CSMD1: variants seen among roughly 807,000 people sequenced by gnomAD.
CSMD1 encodes CUB and sushi domain-containing protein 1.
Under a neutral mutation model 417.5 loss-of-function variants are expected in CSMD1, and 213 were observed. The observed-to-expected ratio is 0.51, with a 90% CI of 0.46 to 0.57. CSMD1 has a LOEUF of 0.57. Among genes scored for constraint, CSMD1 ranks in the 20% least tolerant of loss-of-function variants. The probability of loss-of-function intolerance (pLI) is 0.00; values close to 1 mark genes in which losing one functional copy is unlikely to be tolerated. For synonymous variants in CSMD1, 2,862 were observed against 1,736.8 expected (o/e 1.65, Z -16.11); for missense variants, 6,923 against 4,529.7 (o/e 1.53, Z -15.17).
chr8:3,142,982 G>C lies in CSMD1; in HGVS notation c.6032-308C>G, dbSNP rs186288158. Among the ~76,000 whole-genome samples, 4 of 152,280 alleles carry C rather than the reference G, an allele frequency of 2.6e-5. No homozygotes were observed. The East Asian group carries it at 7.7e-4, about 29-fold the overall frequency. On this transcript the variant is annotated intron_variant, in intron 40 of 69. Coordinates refer to ENST00000635120, the MANE Select transcript of CSMD1 (RefSeq NM_033225.6). ...AGGTGGAATCCTTAGGTAACAACTA[G>C]CACACACGCACTCGGGGATGATTTT...
intron 38 of CSMD1, among the ~76,000 whole-genome samples, chr8:3,161,931 A>C (rs1471393451): frequency 5.3e-5 from 8 of 152,244 alleles, no homozygotes; most frequent in Admixed American, 4.6e-4. Flanking sequence ...ATTTTGAAAT[A>C]AAACAATTGT....
intron 1 of CSMD1, among the ~76,000 whole-genome samples, chr8:4,906,539 G>A (rs1805288592): frequency 6.6e-6 from 1 of 150,864 alleles, no homozygotes; most frequent in Non-Finnish European, 1.5e-5. Context: ...TTTTAAATAA[G>A]TTTGTCTTTT....
intron 2 of CSMD1, among the ~76,000 whole-genome samples, chr8:4,541,568 T>G (rs1465300007): frequency 6.6e-6 from 1 of 151,778 alleles, no homozygotes; most frequent in Non-Finnish European, 1.5e-5. Flanking sequence ...GCCACCATGG[T>G]AAAACCCTGT....
intron 7 of CSMD1, among the ~76,000 whole-genome samples, chr8:3,641,334 C>T (rs1253064149): frequency 1.3e-5 from 2 of 152,068 alleles, no homozygotes; most frequent in East Asian, 3.9e-4. Flanking sequence ...GCAATGGAAC[C>T]AACAATCCCC....
At chr8:3,994,229 G>A (rs1252862558) in intron 5 of CSMD1, among the ~76,000 whole-genome samples, 1 of 149,294 alleles carries the variant, frequency 6.7e-6, no homozygotes, top group Non-Finnish European at 1.5e-5. Flanking sequence ...GTCACAGAAG[G>A]GTATGGAAGC....
chr8:4,062,048 G>A (rs374940273), intron 3 of CSMD1, among the ~76,000 whole-genome samples: 2 of 152,270 alleles, frequency 1.3e-5, no homozygotes, highest in South Asian at 4.1e-4. Context: ...AAAATGCAGA[G>A]TGCCAGCTGC....
chr8:3,230,687 A>G (rs559094042), intron 26 of CSMD1, among the ~76,000 whole-genome samples: 130 of 152,294 alleles, frequency 8.5e-4, no homozygotes, highest in Middle Eastern at 3.4e-3. Flanking sequence ...CTTTGTTGAG[A>G]TGCCAAGGGT....
intron 2 of CSMD1, among the ~76,000 whole-genome samples, chr8:4,575,564 A>G (rs1490859996): frequency 1.3e-5 from 2 of 152,196 alleles, no homozygotes; most frequent in African/African-American, 4.8e-5. Flanking sequence ...ACTCACTTTG[A>G]GACAGAAAGT....
intron 38 of CSMD1, 47 bp downstream of exon 38, chr8:3,162,112 A>G (rs1405298509): frequency 1.6e-6 from 2 of 1,244,440 alleles, no homozygotes; most frequent in Non-Finnish European, 2.3e-6. Flanking sequence ...GAGCTGCACA[A>G]AGATGACCAT....
chr8:3,379,734 T>C (rs1044004531), intron 18 of CSMD1, among the ~76,000 whole-genome samples: 8 of 152,088 alleles, frequency 5.3e-5, no homozygotes, highest in East Asian at 1.9e-4. Context: ...TTACACTTTA[T>C]ACAAAAATTA....
At chr8:4,807,389 G>A (rs9314541) in intron 1 of CSMD1, among the ~76,000 whole-genome samples, 68,615 of 151,874 alleles carry the variant, frequency 0.45, 15,800 homozygotes, top group Middle Eastern at 0.51. Flanking sequence ...TCACTGCCGG[G>A]TGGGAAACGT....
chr8:4,435,835 G>A (rs541200561), intron 2 of CSMD1, among the ~76,000 whole-genome samples: 1 of 152,200 alleles, frequency 6.6e-6, no homozygotes, highest in Non-Finnish European at 1.5e-5. Flanking sequence ...CAGGGTGTGT[G>A]ACTCCAAAGC....
At chr8:4,420,184 A>C in intron 2 of CSMD1, 119 bp from the exon 3 acceptor site, 1 of 613,152 alleles carries the variant, frequency 1.6e-6, no homozygotes, top group Non-Finnish European at 2.9e-6. Flanking sequence ...ATATGGCATT[A>C]AACACTTAGA....
intron 1 of CSMD1, among the ~76,000 whole-genome samples, chr8:4,899,401 T>A (rs1217277918): frequency 2.0e-5 from 3 of 152,220 alleles, no homozygotes; most frequent in African/African-American, 7.2e-5. Context: ...TGGAAGGATA[T>A]AAACATACTT....
chr8:4,184,241 T>A (rs1298568000), intron 3 of CSMD1, among the ~76,000 whole-genome samples: 1 of 152,228 alleles, frequency 6.6e-6, no homozygotes, highest in Non-Finnish European at 1.5e-5. Flanking sequence ...AATATATTTA[T>A]TTAGCATTCA....
intron 57 of CSMD1, among the ~76,000 whole-genome samples, chr8:2,968,227 T>C (rs1425956361): frequency 6.6e-6 from 1 of 152,248 alleles, no homozygotes; most frequent in African/African-American, 2.4e-5. Flanking sequence ...CCTCACTTAC[T>C]GTGCAACAGG....
At chr8:4,670,801 G>A (rs1805248544) in intron 1 of CSMD1, among the ~76,000 whole-genome samples, 1 of 152,170 alleles carries the variant, frequency 6.6e-6, no homozygotes. Flanking sequence ...TTTGTTTCAT[G>A]TGCTCAGATG....
intron 10 of CSMD1, among the ~76,000 whole-genome samples, chr8:3,558,024 G>T (rs1324703888): frequency 6.6e-6 from 1 of 150,754 alleles, no homozygotes; most frequent in Admixed American, 6.6e-5. Flanking sequence ...AATGATGAAT[G>T]GTGCCTCAGA....
intron 5 of CSMD1, among the ~76,000 whole-genome samples, chr8:3,890,430 C>G (rs541666788): frequency 6.6e-6 from 1 of 151,520 alleles, no homozygotes; most frequent in South Asian, 2.1e-4. Context: ...TGAACAAGCT[C>G]GCAGTGTCTT....
Sources: gnomAD v4.1 joint callset for allele counts (sites outside exome capture counted in the v4.1 genomes callset) on GRCh38, gnomAD v4.1.1 for gene constraint, MANE v1.5 for transcripts, NCBI Gene and HGNC (gene_info 2026-07-23, HGNC 2026-07-21) for gene names.